Variants in CSMD1 observed in about 807,000 individuals in gnomAD.
CSMD1 encodes CUB and Sushi multiple domains 1, also known as CUB and sushi domain-containing protein 1.
A neutral mutation model predicts 417.5 loss-of-function variants in CSMD1; 213 were observed. The observed-to-expected ratio is 0.51, with a 90% CI of 0.46 to 0.57. The LOEUF is 0.57. CSMD1 is among the 20% of genes least tolerant of loss of function. The probability of loss-of-function intolerance (pLI) is 0.00; values close to 1 mark genes in which losing one functional copy is unlikely to be tolerated. For synonymous variants in CSMD1, 2,862 were observed against 1,736.8 expected, an observed-to-expected ratio of 1.65 and a Z score of -16.11; for missense variants, 6,923 against 4,529.7, an observed-to-expected ratio of 1.53 and a Z score of -15.17.
intron 3 of CSMD1, among the ~76,000 whole-genome samples, chr8:4,186,102 T>C (rs1481165700): frequency 2.0e-5 from 3 of 152,124 alleles, no homozygotes; most frequent in African/African-American, 7.2e-5. Context: ...CCCTCTTTGA[T>C]TGGGCCATGC....
chr8:3,955,471 G>C (rs764755544), intron 5 of CSMD1, among the ~76,000 whole-genome samples: 2 of 152,168 alleles, frequency 1.3e-5, no homozygotes, highest in Admixed American at 6.5e-5. Context: ...GTAGAATTTT[G>C]TACTGATATG....
intron 1 of CSMD1, among the ~76,000 whole-genome samples, chr8:4,685,136 A>C (rs1412330197): frequency 6.6e-6 from 1 of 152,252 alleles, no homozygotes. Flanking sequence ...AGGCAATGGA[A>C]ATAATCATTG....
rs1003612054 is a variant in CSMD1, at chr8:4,707,638, G to T, written c.86-70080C>A. 2.0e-5 allele frequency among the ~76,000 whole-genome samples: 3 copies of T among 152,008 alleles called. No homozygotes were observed. In the East Asian group the frequency reaches 5.8e-4, roughly 29 times the overall value. ...ATGATGGCTCACTCCTGTAATCCCAGCACTTTGGGAGGCCGAGGCGGGCGG... is the reference window on the plus strand; with the variant it reads ...ATGATGGCTCACTCCTGTAATCCCATCACTTTGGGAGGCCGAGGCGGGCGG... On this transcript the variant is annotated intron_variant, in intron 1 of 69. Coordinates refer to ENST00000635120, the MANE Select transcript of CSMD1 (RefSeq NM_033225.6).
chr8:3,513,450 T>C (rs1797161847), intron 10 of CSMD1, among the ~76,000 whole-genome samples: 1 of 151,854 alleles, frequency 6.6e-6, no homozygotes, highest in African/African-American at 2.4e-5. Context: ...CTCAGCCTCC[T>C]GAATAGCTGG....
At chr8:4,795,349 G>A (rs1797919778) in intron 1 of CSMD1, among the ~76,000 whole-genome samples, 1 of 126,186 alleles carries the variant, frequency 7.9e-6, no homozygotes, top group Admixed American at 1.1e-4. Flanking sequence ...TTGGCTCACT[G>A]CAAGCTCCGC....
chr8:3,165,184 T>C (rs117980206), intron 37 of CSMD1, among the ~76,000 whole-genome samples: 115 of 152,068 alleles, frequency 7.6e-4, no homozygotes, highest in Non-Finnish European at 1.4e-3. Context: ...CCAGTATATG[T>C]TAGAAGCTAA....
chr8:3,315,943 A>T (rs748460545), intron 23 of CSMD1, among the ~76,000 whole-genome samples: 3 of 152,204 alleles, frequency 2.0e-5, no homozygotes, highest in Non-Finnish European at 4.4e-5. Context: ...TCTTGTGCAG[A>T]GCTTCCAGCA....
chr8:3,043,134 T>TAGTG (rs1563271826), intron 50 of CSMD1, among the ~76,000 whole-genome samples: 1 of 143,436 alleles, frequency 7.0e-6, no homozygotes, highest in African/African-American at 3.0e-5. Context: ...ATAGTACATA[T>TAGTG]ATATAGTGAT....
chr8:4,001,776 G>T lies in CSMD1; in HGVS notation c.611-3666C>A, dbSNP rs575380339. On this transcript the variant is annotated intron_variant, in intron 4 of 69. Coordinates refer to ENST00000635120, the MANE Select transcript of CSMD1 (RefSeq NM_033225.6). ...TCCAGGTAAGACCAGAGCACTGACT[G>T]CAACAGACAAGTGGTGAAATTTAAG... is the stretch of plus-strand genomic sequence containing the variant. Among the ~76,000 whole-genome samples the T allele has an allele frequency of 4.6e-5, 7 of 152,212 alleles. No homozygotes were observed. The East Asian group carries it at 1.2e-3, about 25-fold the overall frequency.
In CSMD1 at chr8:3,210,990, T is replaced by C. The variant is rs1797571068; in HGVS notation, c.4867+3507A>G. Among the ~76,000 whole-genome samples the C allele has an allele frequency of 2.6e-5, 4 of 152,132 alleles. No homozygotes were observed. The South Asian group carries it at 6.2e-4, about 24-fold the overall frequency. ...AGTGGGGGAAAAATACACCAGGGGA[T>C]GCAAAAATCATTTTCTGGGATACAA... On this transcript the variant is annotated intron_variant, in intron 30 of 69. Coordinates refer to ENST00000635120, the MANE Select transcript of CSMD1 (RefSeq NM_033225.6).
At chr8:3,583,972 G>C (rs566672811) in intron 9 of CSMD1, among the ~76,000 whole-genome samples, 30 of 151,846 alleles carry the variant, frequency 2.0e-4, no homozygotes, top group African/African-American at 6.5e-4. Context: ...ATATGTGAGA[G>C]CATGGCCTTT....
At chr8:3,237,928 TTATGA>T (rs1261278068) in intron 26 of CSMD1, among the ~76,000 whole-genome samples, 3 of 147,484 alleles carry the variant, frequency 2.0e-5, no homozygotes, top group Admixed American at 6.8e-5. Context: ...TATATTTATT[TTATGA>T]TATGCTATAT....
chr8:4,306,941 G>A (rs529160878), intron 3 of CSMD1, among the ~76,000 whole-genome samples: 2 of 152,162 alleles, frequency 1.3e-5, no homozygotes, highest in African/African-American at 2.4e-5. Flanking sequence ...TTCAGTATCT[G>A]TCGATCCTAC....
chr8:3,658,514 G>A (rs1798243551), intron 7 of CSMD1, among the ~76,000 whole-genome samples: 1 of 149,748 alleles, frequency 6.7e-6, no homozygotes, highest in Non-Finnish European at 1.5e-5. Flanking sequence ...CGGGCTTGGT[G>A]TCTCATGCCT....
intron 3 of CSMD1, among the ~76,000 whole-genome samples, chr8:4,339,737 G>C (rs980277647): frequency 1.3e-5 from 2 of 152,050 alleles, no homozygotes; most frequent in African/African-American, 4.8e-5. Flanking sequence ...ATACGAAGTA[G>C]AAAAAGCTGA....
intron 3 of CSMD1, among the ~76,000 whole-genome samples, chr8:4,152,617 G>C (rs922398989): frequency 6.6e-6 from 1 of 151,912 alleles, no homozygotes; most frequent in African/African-American, 2.4e-5. Context: ...TTGAGCCTAG[G>C]AGGTCAAGGC....
At chr8:4,060,086 C>T (rs556044116) in intron 3 of CSMD1, among the ~76,000 whole-genome samples, 1 of 152,140 alleles carries the variant, frequency 6.6e-6, no homozygotes. Context: ...ACCAAAAAGC[C>T]TATCCACCAT....
At position 4,994,696 on chromosome 8, in the gene CSMD1, G is replaced by C. The variant is rs1811664335; in HGVS notation, c.-280C>G. On this transcript the variant is annotated 5_prime_UTR_variant, in exon 1 of 70. Coordinates refer to ENST00000635120, the MANE Select transcript of CSMD1 (RefSeq NM_033225.6). ...GGACGAGCGCCGGCCGAGCCGGGCA[G>C]GAAGGCACCAAGGCGGCGAGGCTGC... is the stretch of plus-strand genomic sequence containing the variant. 1 of 390,926 alleles carries C rather than the reference G, an allele frequency of 2.6e-6. No homozygotes were observed. Among genetic ancestry groups the C allele is most frequent in the African/African-American group, 2.1e-5 (1 of 46,784 alleles). 24.2% of individuals were successfully genotyped at this position (390,926 alleles called of 1,614,324 possible). A position where few individuals can be genotyped will look rare whatever the true frequency, so the allele number is the denominator to read the frequency against.
chr8:3,066,603 CAA>C (rs1812951960), intron 49 of CSMD1, among the ~76,000 whole-genome samples: 1 of 152,114 alleles, frequency 6.6e-6, no homozygotes, highest in African/African-American at 2.4e-5. Flanking sequence ...TACAGACAGA[CAA>C]GAGAGTAATA....
Sources: gnomAD v4.1 joint callset for allele counts (sites outside exome capture counted in the v4.1 genomes callset) on GRCh38, gnomAD v4.1.1 for gene constraint, MANE v1.5 for transcripts, NCBI Gene and HGNC (gene_info 2026-07-23, HGNC 2026-07-21) for gene names.